The following PRKG1 variants were observed in gnomAD, a reference collection of about 807,000 sequenced individuals.
PRKG1 encodes the protein protein kinase cGMP-dependent 1.
Under a neutral mutation model 88.1 loss-of-function variants are expected in PRKG1, and 35 were observed. The observed-to-expected ratio is 0.40, with a 90% CI of 0.30 to 0.53. The LOEUF (loss-of-function observed/expected upper bound fraction) is 0.53, where lower values mean the gene tolerates loss of function less well. PRKG1 is among the 20% of genes least tolerant of loss of function. The pLI is 0.59. For synonymous variants in PRKG1, 303 were observed against 292.5 expected (o/e 1.04, Z -0.37); for missense variants, 540 against 839.8 (o/e 0.64, Z 4.41).
intron 10 of PRKG1, among the ~76,000 whole-genome samples, chr10:52,266,772 C>T (rs1286486391): frequency 3.4e-5 from 5 of 148,756 alleles, no homozygotes; most frequent in African/African-American, 9.9e-5. Context: ...TCCAAGAGAA[C>T]AAGCAAAAAA....
At chr10:52,088,561 G>C (rs1039000776) in intron 7 of PRKG1, among the ~76,000 whole-genome samples, 2 of 152,106 alleles carry the variant, frequency 1.3e-5, no homozygotes, top group Non-Finnish European at 2.9e-5. Context: ...TGTGCTGTGT[G>C]TGAACACAGC....
At chr10:51,227,668 GT>G (rs965402477) in intron 2 of PRKG1, among the ~76,000 whole-genome samples, 1 of 152,168 alleles carries the variant, frequency 6.6e-6, no homozygotes, top group Non-Finnish European at 1.5e-5. Context: ...AGACTTTAGA[GT>G]TTGGTTTTAA....
chr10:52,135,303 CTG>C (rs1837377473), intron 8 of PRKG1, among the ~76,000 whole-genome samples: 3 of 152,118 alleles, frequency 2.0e-5, no homozygotes, highest in African/African-American at 7.2e-5. Context: ...TAAAGTGAGA[CTG>C]TGTAAAGGTA....
intron 4 of PRKG1, among the ~76,000 whole-genome samples, chr10:51,865,378 A>T (rs1171640713): frequency 1.3e-5 from 2 of 151,846 alleles, no homozygotes; most frequent in Non-Finnish European, 2.9e-5. Context: ...CAAGGCATTA[A>T]TAAACTTTTC....
chr10:51,748,950 G>A (rs918415960), intron 3 of PRKG1, among the ~76,000 whole-genome samples: 1 of 152,152 alleles, frequency 6.6e-6, no homozygotes, highest in African/African-American at 2.4e-5. Flanking sequence ...TTGATATAGG[G>A]AGAAGAAAGG....
intron 3 of PRKG1, among the ~76,000 whole-genome samples, chr10:51,548,467 C>A (rs1303687737): frequency 2.0e-5 from 3 of 151,916 alleles, no homozygotes; most frequent in African/African-American, 7.2e-5. Flanking sequence ...TATCACAGAC[C>A]AGAAAAGTTG....
intron 2 of PRKG1, among the ~76,000 whole-genome samples, chr10:51,217,095 C>A (rs1348312788): frequency 6.6e-6 from 1 of 151,956 alleles, no homozygotes; most frequent in Non-Finnish European, 1.5e-5. Flanking sequence ...CCCACTGAGG[C>A]CATTTTAGGA....
At chr10:51,673,682 G>A (rs988839727) in intron 3 of PRKG1, among the ~76,000 whole-genome samples, 5 of 152,092 alleles carry the variant, frequency 3.3e-5, no homozygotes, top group African/African-American at 2.4e-5. Context: ...ATGCATGTGG[G>A]ATATTGTATC....
chr10:52,038,272 G>A (rs1845667840), intron 5 of PRKG1, among the ~76,000 whole-genome samples: 1 of 151,940 alleles, frequency 6.6e-6, no homozygotes, highest in South Asian at 2.1e-4. Flanking sequence ...AGAGAAAAGA[G>A]AGAGTAGAGA....
At chr10:51,050,110 T>G (rs1024438953) in intron 1 of PRKG1, among the ~76,000 whole-genome samples, 2 of 152,024 alleles carry the variant, frequency 1.3e-5, no homozygotes. Context: ...AATAGTCTTC[T>G]ACATGTTTTC....
At chr10:51,842,517 G>A (rs1840303997) in intron 4 of PRKG1, among the ~76,000 whole-genome samples, 1 of 152,026 alleles carries the variant, frequency 6.6e-6, no homozygotes, top group African/African-American at 2.4e-5. Flanking sequence ...TGTGGTCTTG[G>A]TCAGTATCAG....
At chr10:52,270,301 A>G (rs955694685) in intron 10 of PRKG1, among the ~76,000 whole-genome samples, 17 of 152,136 alleles carry the variant, frequency 1.1e-4, no homozygotes, top group Admixed American at 5.3e-4. Context: ...CCATTGTGGA[A>G]GACAGTGTGG....
At chr10:51,604,820 C>T (rs769285097) in intron 3 of PRKG1, among the ~76,000 whole-genome samples, 11 of 152,114 alleles carry the variant, frequency 7.2e-5, no homozygotes, top group Admixed American at 6.5e-5. Flanking sequence ...CCCAAGTGGG[C>T]GTGTGTTACA....
chr10:51,330,276 G>A (rs1256960900), intron 2 of PRKG1, among the ~76,000 whole-genome samples: 5 of 151,038 alleles, frequency 3.3e-5, no homozygotes, highest in African/African-American at 4.9e-5. Flanking sequence ...TCAGCCTCCC[G>A]AGTAGCTGGG....
intron 2 of PRKG1, among the ~76,000 whole-genome samples, chr10:51,203,819 A>AT (rs1413406717): frequency 6.6e-6 from 1 of 152,188 alleles, no homozygotes; most frequent in African/African-American, 2.4e-5. Flanking sequence ...ACTCTTGCTG[A>AT]TATTTCCTCC....
intron 3 of PRKG1, among the ~76,000 whole-genome samples, chr10:51,531,534 G>A (rs1589050626): frequency 6.7e-6 from 1 of 149,964 alleles, no homozygotes; most frequent in East Asian, 2.0e-4. Context: ...TATATTTAAT[G>A]TAATGTATAT....
At chr10:51,219,999 C>G (rs529651680) in intron 2 of PRKG1, among the ~76,000 whole-genome samples, 1 of 152,000 alleles carries the variant, frequency 6.6e-6, no homozygotes, top group African/African-American at 2.4e-5. Context: ...TCTGGTTGGG[C>G]CTTATAAGCA....
At chr10:52,268,540 G>C (rs745667955) in intron 10 of PRKG1, among the ~76,000 whole-genome samples, 10 of 151,988 alleles carry the variant, frequency 6.6e-5, no homozygotes, top group Non-Finnish European at 1.3e-4. Context: ...TAAGCTTAAA[G>C]GTAATAGAAA....
intron 5 of PRKG1, among the ~76,000 whole-genome samples, chr10:51,947,068 G>A (rs1843057384): frequency 6.6e-6 from 1 of 152,096 alleles, no homozygotes; most frequent in Admixed American, 6.5e-5. Context: ...CCCCAGATGT[G>A]GAGCCTACAG....
Sources: gnomAD v4.1 joint callset for allele counts (sites outside exome capture counted in the v4.1 genomes callset) on GRCh38, gnomAD v4.1.1 for gene constraint, MANE v1.5 for transcripts, NCBI Gene and HGNC (gene_info 2026-07-23, HGNC 2026-07-21) for gene names.